The following CALD1 variants were observed in gnomAD, a reference collection of about 807,000 sequenced individuals.
The protein encoded by CALD1 is caldesmon.
In CALD1, 33 loss-of-function variants were observed where a neutral mutation model predicts 99.9. The observed-to-expected ratio is 0.33, with a 90% CI of 0.25 to 0.44. The LOEUF (loss-of-function observed/expected upper bound fraction) is 0.44. Ranked by LOEUF, CALD1 falls within the 20% of genes least tolerant of loss-of-function variation. The pLI is 1.00. For missense variants in CALD1, 861 were observed against 962.1 expected, an observed-to-expected ratio of 0.89 and a Z score of 1.39; for synonymous variants, 310 against 325.0, an observed-to-expected ratio of 0.95 and a Z score of 0.50.
rs747646824 is a variant in CALD1 at position 134,748,144 on chromosome 7, C to A, written c.-130+3781C>A. Among the ~76,000 whole-genome samples the A allele has an allele frequency of 6.6e-5, 10 of 152,382 alleles. No individual in the cohort carries two copies. In the South Asian group the frequency reaches 2.1e-3, roughly 32 times the overall value. ...TATGCTTGAGCATTAAGATTTTGGA[C>A]TTGCGCAGAACTTGCCACTTCTTTC... On this transcript the variant is annotated intron_variant, in intron 1 of 13. Transcript: ENST00000417172.
chr7:134,802,028 T>C (rs989927777), intron 1 of CALD1, among the ~76,000 whole-genome samples: 1 of 152,184 alleles, frequency 6.6e-6, no homozygotes, highest in African/African-American at 2.4e-5. Context: ...GTCACTTTTG[T>C]AACTGAAGTA....
chr7:134,760,674 A>C (rs145752835), intron 1 of CALD1, among the ~76,000 whole-genome samples: 2 of 152,264 alleles, frequency 1.3e-5, no homozygotes, highest in Non-Finnish European at 2.9e-5. Context: ...AGATGTATGC[A>C]TATGAAGTAA....
At chr7:134,839,187 T>C (rs755545709) in intron 1 of CALD1, among the ~76,000 whole-genome samples, 6 of 152,238 alleles carry the variant, frequency 3.9e-5, no homozygotes, top group Non-Finnish European at 7.3e-5. Flanking sequence ...TGAAATCATA[T>C]AGTAATTTTT....
chr7:134,835,183 G>A (rs762025622), intron 1 of CALD1, among the ~76,000 whole-genome samples: 3 of 152,180 alleles, frequency 2.0e-5, no homozygotes, highest in Non-Finnish European at 4.4e-5. Context: ...CATACTGATG[G>A]TTTTGCTTTT....
chr7:134,719,015 T>A, the CALD1 span, among the ~76,000 whole-genome samples: 1 of 152,244 alleles, frequency 6.6e-6, no homozygotes, highest in Non-Finnish European at 1.5e-5. Context: ...TATAGAGTAT[T>A]ATCTCCATTT....
the CALD1 span, among the ~76,000 whole-genome samples, chr7:134,723,027 A>T: frequency 6.6e-6 from 1 of 152,256 alleles, no homozygotes; most frequent in East Asian, 1.9e-4. Context: ...CAGGATTCTA[A>T]CCAGCCAAGG....
At chr7:134,958,445 C>T (rs1218179275) in intron 11 of CALD1, among the ~76,000 whole-genome samples, 155 bp downstream of exon 11, 3 of 139,166 alleles carry the variant, frequency 2.2e-5, no homozygotes, top group Non-Finnish European at 3.0e-5. Flanking sequence ...GAGTCTCACT[C>T]TGTTGCCCAG....
chr7:134,747,573 A>G (rs1018747225), intron 1 of CALD1, among the ~76,000 whole-genome samples: 1 of 152,200 alleles, frequency 6.6e-6, no homozygotes, highest in Non-Finnish European at 1.5e-5. Context: ...TTCCCATCAT[A>G]GGTCCTGGAG....
At chr7:134,724,386 G>A in the CALD1 span, among the ~76,000 whole-genome samples, 1 of 152,130 alleles carries the variant, frequency 6.6e-6, no homozygotes, top group Admixed American at 6.5e-5. Flanking sequence ...TGAGAGAAAG[G>A]CATCACTGAG....
intron 1 of CALD1, among the ~76,000 whole-genome samples, chr7:134,760,889 C>T (rs79742598): frequency 0.013 from 1,932 of 152,046 alleles, 44 homozygotes; most frequent in African/African-American, 0.045. Context: ...GGTATATGTG[C>T]GGAATTATTA....
chr7:134,753,256 T>A lies in CALD1; in HGVS notation c.-130+8893T>A, dbSNP rs1415320809. 5.9e-5 allele frequency among the ~76,000 whole-genome samples: 9 copies of A among 151,990 alleles called. No individual in the cohort carries two copies. In the South Asian group the frequency reaches 1.9e-3, roughly 32 times the overall value. On this transcript the variant is annotated intron_variant, in intron 1 of 13. Coordinates refer to the CALD1 transcript ENST00000417172. ...GACTTGATAAACCCTGGGCCTAAAC[T>A]CTCATATGAGCAAATAATGAGAGCA...
At chr7:134,835,547 C>A (rs994585706) in intron 1 of CALD1, among the ~76,000 whole-genome samples, 2 of 152,044 alleles carry the variant, frequency 1.3e-5, no homozygotes, top group African/African-American at 4.8e-5. Context: ...TTTAAACAAA[C>A]AAGAACATAT....
At chr7:134,797,800 C>T (rs1393067053) in intron 1 of CALD1, among the ~76,000 whole-genome samples, 2 of 152,140 alleles carry the variant, frequency 1.3e-5, no homozygotes, top group East Asian at 3.9e-4. Flanking sequence ...CCATATTGTC[C>T]AGGATGGTCT....
chr7:134,861,284 G>A (rs2132280692), intron 2 of CALD1, among the ~76,000 whole-genome samples: 1 of 152,310 alleles, frequency 6.6e-6, no homozygotes, highest in South Asian at 2.1e-4. Context: ...CCAAGGGTTT[G>A]TGAAGGAAAA....
At chr7:134,955,287 C>A (rs1217828477) in intron 9 of CALD1, among the ~76,000 whole-genome samples, 1 of 152,174 alleles carries the variant, frequency 6.6e-6, no homozygotes. Context: ...CTACTCGACG[C>A]TGAGGCAGAA....
At chr7:134,856,105 T>C (rs1586121508) in intron 2 of CALD1, among the ~76,000 whole-genome samples, 1 of 152,192 alleles carries the variant, frequency 6.6e-6, no homozygotes, top group East Asian at 1.9e-4. Context: ...AGGATGCCAT[T>C]TCAAGCTGGT....
chr7:134,952,473 C>CTTTTTTTTTTTTT (rs747660510), intron 9 of CALD1, among the ~76,000 whole-genome samples: 1 of 140,940 alleles, frequency 7.1e-6, no homozygotes. Context: ...TTCCCTTAGT[C>CTTTTTTTTTTTTT]TTTTTTTTTT....
intron 3 of CALD1, among the ~76,000 whole-genome samples, chr7:134,927,710 A>G (rs1450526106): frequency 6.6e-6 from 1 of 151,402 alleles, no homozygotes; most frequent in Non-Finnish European, 1.5e-5. Flanking sequence ...ACTAAGGCAC[A>G]TTTTAGAGCA....
chr7:134,919,059 G>A (rs1358326365), intron 3 of CALD1, among the ~76,000 whole-genome samples: 1 of 152,198 alleles, frequency 6.6e-6, no homozygotes, highest in Non-Finnish European at 1.5e-5. Flanking sequence ...ACATTCATTT[G>A]TAGGTACAAT....
Sources: gnomAD v4.1 joint callset for allele counts (sites outside exome capture counted in the v4.1 genomes callset) on GRCh38, gnomAD v4.1.1 for gene constraint, MANE v1.5 for transcripts, NCBI Gene and HGNC (gene_info 2026-07-23, HGNC 2026-07-21) for gene names.